PTPRD: variants seen among roughly 807,000 people sequenced by gnomAD.
PTPRD encodes receptor-type tyrosine-protein phosphatase delta.
PTPRD carries 34 observed loss-of-function variants against 214.5 expected under a neutral mutation model. The observed-to-expected ratio is 0.16, with a 90% confidence interval of 0.12 to 0.21. The LOEUF (loss-of-function observed/expected upper bound fraction) is 0.21, where lower values mean the gene tolerates loss of function less well. Ranked by LOEUF, PTPRD falls within the 10% of genes least tolerant of loss-of-function variation. PTPRD has a pLI of 1.00. For missense variants in PTPRD, 2,545 were observed against 2,398.7 expected, an observed-to-expected ratio of 1.06 and a Z score of -1.27; for synonymous variants, 1,128 against 845.7, an observed-to-expected ratio of 1.33 and a Z score of -5.79.
At chr9:9,021,702 T>TTACCATGTG (rs1236483344) in intron 10 of PTPRD, among the ~76,000 whole-genome samples, 1 of 152,106 alleles carries the variant, frequency 6.6e-6, no homozygotes, top group African/African-American at 2.4e-5. Context: ...CTGATGACTC[T>TTACCATGTG]TACCATGTGT....
intron 5 of PTPRD, among the ~76,000 whole-genome samples, chr9:9,932,815 G>A (rs1270564193): frequency 8.0e-6 from 1 of 124,518 alleles, no homozygotes; most frequent in Admixed American, 8.1e-5. Context: ...AAATGTTAAG[G>A]GCAGCCAGAG....
intron 22 of PTPRD, 51 bp from the exon 23 acceptor site, chr9:8,504,456 C>CT (rs2097494046): frequency 6.3e-7 from 1 of 1,597,892 alleles, no homozygotes; most frequent in Non-Finnish European, 8.6e-7. Context: ...CATGCAAATA[C>CT]TTTTTAATCA....
At chr9:9,216,453 C>T (rs1301789216) in intron 9 of PTPRD, among the ~76,000 whole-genome samples, 1 of 152,100 alleles carries the variant, frequency 6.6e-6, no homozygotes, top group African/African-American at 2.4e-5. Flanking sequence ...ACTTCAAATC[C>T]TATGTTGAGC....
chr9:9,355,262 A>C (rs1203884708), intron 9 of PTPRD, among the ~76,000 whole-genome samples: 2 of 151,714 alleles, frequency 1.3e-5, no homozygotes, highest in Non-Finnish European at 2.9e-5. Flanking sequence ...ATATATTATC[A>C]ACTGTAAAAG....
chr9:8,476,708 A>G (rs922252937), intron 30 of PTPRD, among the ~76,000 whole-genome samples: 3 of 152,196 alleles, frequency 2.0e-5, no homozygotes, highest in African/African-American at 7.2e-5. Flanking sequence ...AGACATACAT[A>G]TAATACCCCC....
At chr9:8,851,229 T>C (rs897645147) in intron 11 of PTPRD, among the ~76,000 whole-genome samples, 6 of 150,950 alleles carry the variant, frequency 4.0e-5, no homozygotes, top group Middle Eastern at 3.6e-3. Context: ...CTTATTCTGC[T>C]TCAGTATTTT....
intron 11 of PTPRD, among the ~76,000 whole-genome samples, chr9:8,991,157 T>C (rs1311329550): frequency 1.3e-5 from 2 of 148,296 alleles, no homozygotes; most frequent in African/African-American, 5.0e-5. Context: ...AGGTGGAGGC[T>C]GCAGTGAGCT....
chr9:8,561,984 G>A (rs1318678028), intron 14 of PTPRD, among the ~76,000 whole-genome samples: 1 of 152,066 alleles, frequency 6.6e-6, no homozygotes, highest in African/African-American at 2.4e-5. Flanking sequence ...AGTTTAAAAA[G>A]ATGTTTCCTA....
intron 11 of PTPRD, among the ~76,000 whole-genome samples, chr9:8,997,554 C>T (rs2099401774): frequency 6.6e-6 from 1 of 152,062 alleles, no homozygotes; most frequent in Admixed American, 6.6e-5. Context: ...CACCAACCGG[C>T]CATTCTCCCA....
In PTPRD at chr9:10,492,192, T is replaced by C. The variant is rs373840600; in HGVS notation, c.-600+120206A>G. Among the ~76,000 whole-genome samples, 4 of 152,204 alleles carry C rather than the reference T, an allele frequency of 2.6e-5. No individual in the cohort carries two copies. In the South Asian group the frequency reaches 8.3e-4, roughly 32 times the overall value. On this transcript the variant is annotated intron_variant, in intron 2 of 45. Transcript: ENST00000381196. ...AAATATATGTGTGTATGTGTCTTTA[T>C]AGTAGAATAATTTATAATCTTTTGG...
chr9:10,606,497 G>A (rs2079404254), intron 2 of PTPRD, among the ~76,000 whole-genome samples: 1 of 150,826 alleles, frequency 6.6e-6, no homozygotes, highest in Non-Finnish European at 1.5e-5. Context: ...TTCCACTTTA[G>A]AAACAGGAAA....
chr9:9,042,504 G>A (rs565522409), intron 10 of PTPRD, among the ~76,000 whole-genome samples: 1 of 152,156 alleles, frequency 6.6e-6, no homozygotes, highest in South Asian at 2.1e-4. Context: ...AAGGAGAAAA[G>A]ATGTGCCAGG....
chr9:8,443,605 GATC>G (rs1444100704), intron 34 of PTPRD, among the ~76,000 whole-genome samples: 2 of 152,182 alleles, frequency 1.3e-5, no homozygotes, highest in Admixed American at 1.3e-4. Flanking sequence ...TGTAACATCT[GATC>G]ATCGAGTTTT....
At chr9:9,960,183 AATGAAAAAAGGAGT>A (rs765557626) in intron 4 of PTPRD, among the ~76,000 whole-genome samples, 39 of 151,890 alleles carry the variant, frequency 2.6e-4, no homozygotes, top group African/African-American at 2.7e-4. Context: ...AAATTTTAAA[AATGAAAAAAGGAGT>A]ATGAAAAAAG....
intron 5 of PTPRD, among the ~76,000 whole-genome samples, chr9:9,774,432 G>T (rs2098779823): frequency 6.6e-6 from 1 of 152,054 alleles, no homozygotes; most frequent in African/African-American, 2.4e-5. Context: ...TTGGGCTCAG[G>T]GTCCAAGGGT....
intron 11 of PTPRD, among the ~76,000 whole-genome samples, chr9:8,766,712 G>A (rs1811245996): frequency 6.6e-6 from 1 of 152,008 alleles, no homozygotes; most frequent in South Asian, 2.1e-4. Context: ...CATCACTCAT[G>A]GATTCACCAA....
At chr9:10,152,776 G>A (rs1027947514) in intron 3 of PTPRD, among the ~76,000 whole-genome samples, 1 of 152,186 alleles carries the variant, frequency 6.6e-6, no homozygotes, top group Non-Finnish European at 1.5e-5. Flanking sequence ...GGTGAGCCAA[G>A]ATCGCACCAT....
intron 3 of PTPRD, among the ~76,000 whole-genome samples, chr9:10,080,510 G>C (rs1451937808): frequency 6.6e-6 from 1 of 152,036 alleles, no homozygotes; most frequent in Non-Finnish European, 1.5e-5. Flanking sequence ...AATGTGAAGG[G>C]TGACAAGCTT....
chr9:9,475,774 G>C (rs10816139), intron 8 of PTPRD, among the ~76,000 whole-genome samples: 106,904 of 152,048 alleles, frequency 0.7, 37,633 homozygotes, highest in South Asian at 0.73. Context: ...ACAGAGATTT[G>C]AGGTCACTAA....
Sources: gnomAD v4.1 joint callset for allele counts (sites outside exome capture counted in the v4.1 genomes callset) on GRCh38, gnomAD v4.1.1 for gene constraint, MANE v1.5 for transcripts, NCBI Gene and HGNC (gene_info 2026-07-23, HGNC 2026-07-21) for gene names.